The following TG variants were observed in gnomAD, a reference collection of about 807,000 sequenced individuals.
The protein encoded by TG is thyroid hormones.
Under a neutral mutation model 324.7 loss-of-function variants are expected in TG, and 270 were observed. That is an observed-to-expected ratio of 0.83 (90% confidence interval 0.75 to 0.92). The LOEUF is 0.92. TG is among the 40% of genes least tolerant of loss of function. TG has a pLI of 0.00. For synonymous variants in TG, 1,401 were observed against 1,327.0 expected (o/e 1.06, Z -1.21); for missense variants, 3,591 against 3,456.4 (o/e 1.04, Z -0.98).
chr8:133,045,889 A>G (rs995465063), intron 41 of TG, among the ~76,000 whole-genome samples: 1 of 152,186 alleles, frequency 6.6e-6, no homozygotes, highest in African/African-American at 2.4e-5. Flanking sequence ...ATGCTGCCAC[A>G]GCACACATTT....
intron 11 of TG, among the ~76,000 whole-genome samples, chr8:132,896,257 C>T (rs1454886431): frequency 1.3e-5 from 2 of 152,182 alleles, no homozygotes; most frequent in African/African-American, 2.4e-5. Context: ...AGTTAGGAGG[C>T]GCAGTGCCGG....
intron 41 of TG, among the ~76,000 whole-genome samples, chr8:133,084,229 A>G (rs952573807): frequency 6.6e-6 from 1 of 152,212 alleles, no homozygotes; most frequent in Non-Finnish European, 1.5e-5. Flanking sequence ...AAATAGAAAA[A>G]GACTTTGCCT....
At chr8:133,011,790 A>G in intron 35 of TG, 111 bp from the exon 36 acceptor site, 2 of 1,368,838 alleles carry the variant, frequency 1.5e-6, no homozygotes, top group South Asian at 2.3e-5. Context: ...AATGGAGACC[A>G]AGAGGAGGAT....
At position 132,933,612 on chromosome 8, in the gene TG, C is replaced by G. The variant is rs768065119; in HGVS notation, c.4868C>G (p.Pro1623Arg). ...TTCTTCACCGTGTCCACGACGGAGCCAGAGATTTCCTGTGATTTCTATGCT... is the reference window on the plus strand; with the variant it reads ...TTCTTCACCGTGTCCACGACGGAGCGAGAGATTTCCTGTGATTTCTATGCT... ...CSFFTVSTTEPEISCDFYAWT... is the reference protein window; with the variant it reads ...CSFFTVSTTEREISCDFYAWT... Residue 1623 changes from proline (P) to arginine (R), a missense_variant, in exon 24 of 48, where the codon CCA (proline) becomes CGA (arginine). Pro to Arg is a moderately radical substitution (Grantham distance 103). Transcript: ENST00000220616. The G allele has an allele frequency of 9.9e-6, 16 of 1,613,980 alleles. No individual in the cohort carries two copies. In the East Asian group the frequency reaches 1.1e-4, roughly 11 times the overall value.
intron 5 of TG, among the ~76,000 whole-genome samples, chr8:132,877,076 AC>A (rs1813914242): frequency 6.6e-6 from 1 of 152,164 alleles, no homozygotes; most frequent in Non-Finnish European, 1.5e-5. Flanking sequence ...CTCATTACAG[AC>A]ACCTGTGGTG....
chr8:132,985,574 G>A (rs1175074156), intron 35 of TG, among the ~76,000 whole-genome samples: 2 of 152,100 alleles, frequency 1.3e-5, no homozygotes, highest in African/African-American at 4.8e-5. Flanking sequence ...TCATTATTAT[G>A]GCCATGTAAA....
At chr8:133,107,401 A>G (rs899446256) in intron 43 of TG, among the ~76,000 whole-genome samples, 1 of 152,190 alleles carries the variant, frequency 6.6e-6, no homozygotes, top group Non-Finnish European at 1.5e-5. Context: ...TGGCCAGTTC[A>G]TGACAGCCCT....
Position 132,968,069 on chromosome 8 carries a change from T to A in TG, c.5863+99T>A, listed in dbSNP as rs1828891653. 39 of 1,405,852 alleles carry A rather than the reference T, an allele frequency of 2.8e-5. 1 individual carries two copies. The South Asian group carries it at 4.6e-4, about 17-fold the overall frequency. The allele number at this position is 1,405,852 out of a possible 1,614,324, so 87.1% of individuals were successfully genotyped here. On this transcript the variant is annotated intron_variant, in intron 31 of 47. Coordinates refer to ENST00000220616, the MANE Select transcript of TG (RefSeq NM_003235.5). ...CATTAGTTTCTTATTTAAAAAACAT[T>A]TTCTTTATACTTTTATTGGTTTCAA... is the stretch of plus-strand genomic sequence containing the variant.
intron 41 of TG, chr8:133,040,116 G>T: frequency 6.3e-7 from 1 of 1,576,726 alleles, no homozygotes; most frequent in East Asian, 2.3e-5. Context: ...ACACAGCACA[G>T]GCCATCAGCC....
At chr8:133,000,262 G>A (rs1833324169) in intron 35 of TG, among the ~76,000 whole-genome samples, 1 of 152,134 alleles carries the variant, frequency 6.6e-6, no homozygotes, top group African/African-American at 2.4e-5. Context: ...CACACACAGG[G>A]GATGATGACA....
chr8:132,999,729 C>T (rs952881191), intron 35 of TG, among the ~76,000 whole-genome samples: 1 of 152,198 alleles, frequency 6.6e-6, no homozygotes, highest in African/African-American at 2.4e-5. Context: ...GTGAGGCCTA[C>T]AATATTTACT....
At chr8:133,060,744 C>A (rs550473539) in intron 41 of TG, among the ~76,000 whole-genome samples, 2 of 152,244 alleles carry the variant, frequency 1.3e-5, no homozygotes, top group Non-Finnish European at 2.9e-5. Context: ...CTGCATGCTG[C>A]TGAAGCCCTT....
At chr8:132,905,048 G>A (rs949994263) in intron 16 of TG, among the ~76,000 whole-genome samples, 1 of 152,192 alleles carries the variant, frequency 6.6e-6, no homozygotes, top group Admixed American at 6.5e-5. Context: ...CCATAGGGTT[G>A]TGGGGAACAT....
At chr8:132,928,063 G>T (rs988271798) in intron 22 of TG, among the ~76,000 whole-genome samples, 1 of 152,020 alleles carries the variant, frequency 6.6e-6, no homozygotes, top group Non-Finnish European at 1.5e-5. Flanking sequence ...GAGCCACCGC[G>T]CCTGGCCGAG....
intron 21 of TG, among the ~76,000 whole-genome samples, chr8:132,921,601 C>T (rs1288046581): frequency 6.6e-6 from 1 of 152,168 alleles, no homozygotes; most frequent in Non-Finnish European, 1.5e-5. Flanking sequence ...TCTTTGATTT[C>T]CTTTTGGTGT....
intron 35 of TG, chr8:132,988,630 T>G (rs6471107): frequency 0.57 from 501,139 of 872,930 alleles, 146,155 homozygotes; most frequent in African/African-American, 0.75. Context: ...TCTCTTTGGA[T>G]AAAAATTGTT....
At position 132,886,982 on chromosome 8, in the gene TG, C is replaced by G; in HGVS notation, c.1610C>G (p.Ala537Gly). 6.2e-7 allele frequency: 1 copy of G among 1,614,206 alleles called. No homozygotes were observed. The highest frequency in any genetic ancestry group is 8.5e-7 in the Non-Finnish European group (1 of 1,180,044). ...DSNSSTGTPE[A>G]AKKDGTMNKP... ...AATTCTTCCACAGGAACCCCTGAAGCTGCTAAGAAGGATGGTACTATGAAT... is the reference window on the plus strand; with the variant it reads ...AATTCTTCCACAGGAACCCCTGAAGGTGCTAAGAAGGATGGTACTATGAAT... Residue 537 changes from alanine to glycine, a missense_variant, in exon 9 of 48, where the codon GCT (alanine) becomes GGT (glycine). Ala to Gly is a moderately conservative substitution (Grantham distance 60). Coordinates refer to ENST00000220616, the MANE Select transcript of TG (RefSeq NM_003235.5).
rs570738847 is a variant in TG at position 132,888,200 on chromosome 8, C to T, written c.2393C>T (p.Thr798Met). Residue 798 changes from threonine to methionine, a missense_variant, in exon 10 of 48, where the codon ACG becomes ATG. Coordinates refer to ENST00000220616, the MANE Select transcript of TG (RefSeq NM_003235.5). The stretch of plus-strand genomic sequence containing the variant: ...GCTCAGAACAAGGGCCAGGATCTGA[C>T]GCCTGCCAAGCTGCTAGTGAAGATC... The part of the protein sequence containing the change: ...WEAQNKGQDL[T>M]PAKLLVKIMS... 44 of 1,614,182 alleles carry T rather than the reference C, an allele frequency of 2.7e-5. No homozygotes were observed. The highest frequency in any genetic ancestry group is 2.5e-4 in the African/African-American group (19 of 75,040).
At chr8:133,007,623 T>C (rs528463647) in intron 35 of TG, among the ~76,000 whole-genome samples, 8 of 152,294 alleles carry the variant, frequency 5.3e-5, no homozygotes, top group African/African-American at 1.9e-4. Flanking sequence ...CTCGAACTTA[T>C]AATTTTAGAC....
Sources: allele counts gnomAD v4.1 joint callset (sites outside exome capture counted in the v4.1 genomes callset), GRCh38; gene constraint gnomAD v4.1.1; transcripts MANE v1.5; gene names NCBI Gene and HGNC (gene_info 2026-07-23, HGNC 2026-07-21).